CHMP4A: variants seen among roughly 807,000 people sequenced by gnomAD.
CHMP4A encodes the protein charged multivesicular body protein 4A.
CHMP4A carries 29 observed loss-of-function variants against 28.2 expected under a neutral mutation model. The observed-to-expected ratio is 1.03, with a 90% CI of 0.77 to 1.40. CHMP4A has a LOEUF of 1.40. Ranked by LOEUF, CHMP4A falls within the 40% of genes most tolerant of loss-of-function variation. The probability of loss-of-function intolerance (pLI) is 0.00; values close to 1 mark genes in which losing one functional copy is unlikely to be tolerated. For synonymous variants in CHMP4A, 88 were observed against 99.3 expected (o/e 0.89, Z 0.67); for missense variants, 241 against 263.5 (o/e 0.91, Z 0.59).
chr14:24,209,933 G>A lies in CHMP4A; in HGVS notation c.613C>T (p.Pro205Ser), dbSNP rs143736280. 1,884 of 1,613,872 alleles carry A rather than the reference G, an allele frequency of 1.2e-3. 21 individuals are homozygous for A. In the African/African-American group the frequency reaches 0.023, roughly 20 times the overall value. Residue 205 changes from proline to serine, a missense_variant and splice_region_variant, in exon 6 of 6, where the codon CCC becomes TCC. Transcript: ENST00000347519. Reference protein sequence around the residue: ...PSTHLPAGPAPKVDEDEEALK... With the variant: ...PSTHLPAGPASKVDEDEEALK... Reference sequence around the variant, plus strand: ...GCTTCTTCATCTTCATCCACTTTGGGAGCTTTGAGGACAAAGATACCCAGA... The same window carrying A: ...GCTTCTTCATCTTCATCCACTTTGGAAGCTTTGAGGACAAAGATACCCAGA...
rs373571782 is a variant in CHMP4A at position 24,211,601 on chromosome 14, G to A, written c.182-9C>T. 6.2e-7 allele frequency: 1 copy of A among 1,611,084 alleles called. No homozygotes were observed. Among genetic ancestry groups the A allele is most frequent in the African/African-American group, 1.3e-5 (1 of 74,880 alleles). ...CAAAGCCTGTAGGGCAGCTGACCCA[G>A]CCCATACCCTGAACATCAAGAGTCA... On this transcript the variant is annotated splice_polypyrimidine_tract_variant and intron_variant, in intron 2 of 5. Coordinates refer to ENST00000347519, the MANE Select transcript of CHMP4A (RefSeq NM_014169.5).
chr14:24,210,063 TG>T, intron 5 of CHMP4A, 128 bp from the exon 6 acceptor site: 1 of 933,266 alleles, frequency 1.1e-6, no homozygotes, highest in Non-Finnish European at 1.7e-6. Flanking sequence ...CCTAAAGGTA[TG>T]GTCCTTCTGC....
Position 24,210,420 on chromosome 14 carries a change from C to T in CHMP4A, c.538G>A (p.Val180Met), listed in dbSNP as rs1305039283. Residue 180 changes from valine to methionine, a missense_variant, in exon 5 of 6, where the codon GTG becomes ATG. Coordinates refer to ENST00000347519, the MANE Select transcript of CHMP4A (RefSeq NM_014169.5). ...GAGGGTTCTTCTTCCTTGTCGCCCA[C>T]ATTTAACAACTCCTGGGCCAATTCC... ...QEELAQELLN[V>M]GDKEEEPSVK... 9.3e-6 allele frequency: 15 copies of T among 1,614,054 alleles called. No individual in the cohort carries two copies. The highest frequency in any genetic ancestry group is 1.3e-5 in the African/African-American group (1 of 74,912).
At position 24,209,847 on chromosome 14, in the gene CHMP4A, G is replaced by C; in HGVS notation, c.*30C>G. On this transcript the variant is annotated 3_prime_UTR_variant, in exon 6 of 6. Transcript: ENST00000347519. ...ACTTAAGGAAGAAAGGACCAACAAAGGTAGCATTAGGAAGACAAGCCCAGA... is the reference window on the plus strand; with the variant it reads ...ACTTAAGGAAGAAAGGACCAACAAACGTAGCATTAGGAAGACAAGCCCAGA... The C allele has an allele frequency of 6.2e-7, 1 of 1,603,368 alleles. No homozygotes were observed. Among genetic ancestry groups the C allele is most frequent in the Non-Finnish European group, 8.5e-7 (1 of 1,170,326 alleles).
rs751983750 is a variant in CHMP4A at position 24,213,479 on chromosome 14, C to T, written c.-40G>A. The T allele has an allele frequency of 1.1e-5, 18 of 1,613,494 alleles. No individual in the cohort carries two copies. The Admixed American group carries it at 3.0e-4, about 27-fold the overall frequency. Reference sequence around the variant, plus strand: ...TCCCGCCTCCGCCCCTCAGCGTCCTCCAGACTTCCGCCTTGCTCCTGGGAG... The same window carrying T: ...TCCCGCCTCCGCCCCTCAGCGTCCTTCAGACTTCCGCCTTGCTCCTGGGAG... On this transcript the variant is annotated 5_prime_UTR_variant, in exon 1 of 6. Transcript: ENST00000347519.
Position 24,213,427 on chromosome 14 carries a change from C to G in CHMP4A, c.13G>C (p.Gly5Arg). Residue 5 changes from glycine to arginine, a missense_variant, in exon 1 of 6, where the codon GGC (glycine) becomes CGC (arginine). Transcript: ENST00000347519. MSGL[G>R]RLFGKGKKEK... Reference sequence around the variant, plus strand: ...GGCTCACCCTTCCCGAAGAGCCTGCCGAGACCACTCATCGCGAGCTCGCCT... The same window carrying G: ...GGCTCACCCTTCCCGAAGAGCCTGCGGAGACCACTCATCGCGAGCTCGCCT... 1 of 1,610,002 alleles carries G rather than the reference C, an allele frequency of 6.2e-7. No individual in the cohort carries two copies.
At position 24,211,586 on chromosome 14, in the gene CHMP4A, A is replaced by G; in HGVS notation, c.188T>C (p.Leu63Pro). Residue 63 changes from leucine (L) to proline (P), a missense_variant, in exon 3 of 6, where the codon CTA (leucine) becomes CCA (proline). Leu to Pro is a moderately conservative substitution (Grantham distance 98). Transcript: ENST00000347519. ...KYGTKNKRAALQALRRKKRFE... is the reference protein window; with the variant it reads ...KYGTKNKRAAPQALRRKKRFE... ...TCTTTTCTTCCTCCGCAAAGCCTGT[A>G]GGGCAGCTGACCCAGCCCATACCCT... 1.9e-6 allele frequency: 3 copies of G among 1,612,198 alleles called. No individual in the cohort carries two copies. The highest frequency in any genetic ancestry group is 2.5e-6 in the Non-Finnish European group (3 of 1,178,316).
chr14:24,211,179 A>C, intron 3 of CHMP4A: 1 of 494,748 alleles, frequency 2.0e-6, no homozygotes, highest in Non-Finnish European at 3.6e-6. Flanking sequence ...GCAAGACTCC[A>C]TCTCAAAAAA....
intron 5 of CHMP4A, 124 bp downstream of exon 5, chr14:24,210,224 T>C: frequency 7.5e-7 from 1 of 1,342,014 alleles, no homozygotes; most frequent in Non-Finnish European, 1.0e-6. Flanking sequence ...GTCAACAACC[T>C]GCACAACTGC....
chr14:24,210,016 T>TG, intron 5 of CHMP4A, 81 bp from the exon 6 acceptor site: 1 of 1,275,654 alleles, frequency 7.8e-7, no homozygotes, highest in Non-Finnish European at 1.1e-6. Flanking sequence ...TGCTATGACA[T>TG]TCAGAGCCTG....
intron 1 of CHMP4A, chr14:24,213,188 G>T: frequency 1.9e-6 from 1 of 533,184 alleles, no homozygotes; most frequent in Admixed American, 4.1e-5. Flanking sequence ...CTCTGAGAGT[G>T]GGGGAGGACG....
At chr14:24,212,281 G>A (rs1233802453) in intron 1 of CHMP4A, among the ~76,000 whole-genome samples, 1 of 151,922 alleles carries the variant, frequency 6.6e-6, no homozygotes, top group Non-Finnish European at 1.5e-5. Flanking sequence ...TTTTAGTACA[G>A]ACAGGCTTTC....
Position 24,209,699 on chromosome 14 carries a change from G to A in CHMP4A, c.*178C>T. 1.5e-6 allele frequency: 1 copy of A among 646,478 alleles called. No individual in the cohort carries two copies. Among genetic ancestry groups the A allele is most frequent in the Admixed American group, 2.5e-5 (1 of 39,912 alleles). The allele number at this position is 646,478 out of a possible 1,614,324, so 40.0% of individuals were successfully genotyped here. A position where few individuals can be genotyped will look rare whatever the true frequency, so the allele number is the denominator to read the frequency against. The stretch of plus-strand genomic sequence containing the variant: ...AGCCCAAGGGCTCCTTCTGTAGCAA[G>A]ATCCTTCTTCAGAGTTGAGCCAGGG... On this transcript the variant is annotated 3_prime_UTR_variant, in exon 6 of 6. Coordinates refer to ENST00000347519, the MANE Select transcript of CHMP4A (RefSeq NM_014169.5).
At chr14:24,211,930 G>A in intron 1 of CHMP4A, 101 bp from the exon 2 acceptor site, 1 of 1,033,374 alleles carries the variant, frequency 9.7e-7, no homozygotes, top group Admixed American at 2.7e-5. Context: ...CTGTGTTATT[G>A]CTAATCCCCA....
At position 24,211,609 on chromosome 14, in the gene CHMP4A, C is replaced by G. The variant is rs1268844509; in HGVS notation, c.182-17G>C. On this transcript the variant is annotated splice_polypyrimidine_tract_variant and intron_variant, in intron 2 of 5. Transcript: ENST00000347519. ...GTAGGGCAGCTGACCCAGCCCATAC[C>G]CTGAACATCAAGAGTCAGAAGCACC... is the stretch of plus-strand genomic sequence containing the variant. 1 of 1,610,800 alleles carries G rather than the reference C, an allele frequency of 6.2e-7. No individual in the cohort carries two copies. Among genetic ancestry groups the G allele is most frequent in the East Asian group, 2.2e-5 (1 of 44,788 alleles).
rs1392681413 is a variant in CHMP4A, at chr14:24,209,908, G to T, written c.638C>A (p.Ala213Glu). The T allele has an allele frequency of 6.2e-7, 1 of 1,614,066 alleles. No homozygotes were observed. The highest frequency in any genetic ancestry group is 2.2e-5 in the East Asian group (1 of 44,878). ...TACCCACTCAGCCAACTGCTTTAGT[G>T]CTTCTTCATCTTCATCCACTTTGGG... The part of the protein sequence containing the change: ...PAPKVDEDEE[A>E]LKQLAEWVS The change falls in exon 6 of 6, where the codon GCA becomes GAA. Residue 213 changes from alanine to glutamate, a missense_variant. Coordinates refer to ENST00000347519, the MANE Select transcript of CHMP4A (RefSeq NM_014169.5).
intron 4 of CHMP4A, 22 bp downstream of exon 4, chr14:24,210,632 C>T (rs772669721): frequency 1.2e-6 from 2 of 1,605,164 alleles, no homozygotes; most frequent in African/African-American, 1.3e-5. Context: ...GCAATATTCC[C>T]TGACCCTTCA....
chr14:24,213,162 G>C (rs1406179215), intron 1 of CHMP4A: 2 of 509,410 alleles, frequency 3.9e-6, no homozygotes. Flanking sequence ...TCCCCTCCCA[G>C]ATCTTGAGTT....
At chr14:24,213,191 G>T (rs982804838) in intron 1 of CHMP4A, 4 of 535,856 alleles carry the variant, frequency 7.5e-6, no homozygotes, top group Non-Finnish European at 1.3e-5. Context: ...TGAGAGTGGG[G>T]GAGGACGGCG....
Sources: allele counts gnomAD v4.1 joint callset (sites outside exome capture counted in the v4.1 genomes callset), GRCh38; gene constraint gnomAD v4.1.1; transcripts MANE v1.5; gene names NCBI Gene and HGNC (gene_info 2026-07-23, HGNC 2026-07-21).